The following C21orf91 variants were observed in gnomAD, a reference collection of about 807,000 sequenced individuals.
C21orf91 encodes protein EURL homolog.
Under a neutral mutation model 32.9 loss-of-function variants are expected in C21orf91, and 26 were observed. The observed-to-expected ratio is 0.79, with a 90% confidence interval of 0.58 to 1.10. The LOEUF is 1.10. Ranked by LOEUF, C21orf91 falls within the 50% of genes least tolerant of loss-of-function variation. The probability of loss-of-function intolerance (pLI) is 0.00; values close to 1 mark genes in which losing one functional copy is unlikely to be tolerated. For synonymous variants in C21orf91, 126 were observed against 120.4 expected (o/e 1.05, Z -0.31); for missense variants, 310 against 341.3 (o/e 0.91, Z 0.72).
chr21:17,797,445 T>C lies in C21orf91; in HGVS notation c.128-327A>G, dbSNP rs538768262. On this transcript the variant is annotated intron_variant, in intron 2 of 4. Transcript: ENST00000284881. ...TTACAGATTCTTGGCCTTTACATTA[T>C]AGTGCTTTCTTCATGAAACCTTCTG... Among the ~76,000 whole-genome samples, 203 of 152,170 alleles carry C rather than the reference T, an allele frequency of 1.3e-3. 3 individuals are homozygous for C. In the Middle Eastern group the frequency reaches 0.014, roughly 10 times the overall value.
In C21orf91 at chr21:17,797,053, A is replaced by G. The variant is rs923416599; in HGVS notation, c.193T>C (p.Tyr65His). The G allele has an allele frequency of 6.2e-7, 1 of 1,611,740 alleles. No individual in the cohort carries two copies. Among genetic ancestry groups the G allele is most frequent in the Admixed American group, 1.7e-5 (1 of 59,918 alleles). Residue 65 changes from tyrosine to histidine, a missense_variant, in exon 3 of 5, where the codon TAC becomes CAC. Physicochemically the swap from Tyr to His is moderately conservative, Grantham distance 83. Transcript: ENST00000284881. ...LRGHKDCFEK[Y>H]HLIANQGCPR... ...CAACCCTGGTTTGCAATTAAATGGT[A>G]TTTTTCAAAGCAGTCTTTATGGCCC...
intron 2 of C21orf91, among the ~76,000 whole-genome samples, chr21:17,817,502 T>G (rs1279711977): frequency 6.6e-6 from 1 of 151,770 alleles, no homozygotes; most frequent in Non-Finnish European, 1.5e-5. Context: ...AATATTAAGG[T>G]TTTTTTTAGT....
intron 4 of C21orf91, 25 bp from the exon 5 acceptor site, chr21:17,793,606 T>G: frequency 3.3e-6 from 5 of 1,515,486 alleles, no homozygotes; most frequent in Non-Finnish European, 4.6e-6. Context: ...AAAACTTTCA[T>G]TTTTAGTATG....
rs2062491770 is a variant in C21orf91, at chr21:17,793,336, A to G, written c.*79T>C. 12 of 1,162,320 alleles carry G rather than the reference A, an allele frequency of 1.0e-5. No homozygotes were observed. The highest frequency in any genetic ancestry group is 5.6e-5 in the Admixed American group (2 of 35,588). The allele number at this position is 1,162,320 out of a possible 1,614,324, so 72.0% of individuals were successfully genotyped here. A position where few individuals can be genotyped will look rare whatever the true frequency, so the allele number is the denominator to read the frequency against. ...AATGACCATAAAAAAACGGACCACA[A>G]CTTTCTTCAAACTTCTTCAAAGTTT... On this transcript the variant is annotated 3_prime_UTR_variant, in exon 5 of 5. Transcript: ENST00000284881.
chr21:17,797,923 A>G (rs2062532171), intron 2 of C21orf91, among the ~76,000 whole-genome samples: 1 of 152,016 alleles, frequency 6.6e-6, no homozygotes, highest in Non-Finnish European at 1.5e-5. Flanking sequence ...TAAAAATATA[A>G]AAATTATAAA....
chr21:17,818,142 C>A (rs190209497), intron 2 of C21orf91, 50 bp downstream of exon 2: 1 of 1,437,150 alleles, frequency 7.0e-7, no homozygotes, highest in Non-Finnish European at 9.7e-7. Context: ...CAGTACAAAG[C>A]AGCTGTGTTA....
chr21:17,799,867 A>G (rs1344781217), intron 2 of C21orf91, among the ~76,000 whole-genome samples: 1 of 152,178 alleles, frequency 6.6e-6, no homozygotes, highest in East Asian at 1.9e-4. Context: ...TATATTTTAA[A>G]ACACCAAAAA....
rs1438443288 is a variant in C21orf91, at chr21:17,789,255, ACACACACACACACAC to A, written c.*4145_*4159del. On this transcript the variant is annotated 3_prime_UTR_variant, in exon 5 of 5. Coordinates refer to ENST00000284881, the MANE Select transcript of C21orf91 (RefSeq NM_001100420.2). Reference sequence around the variant, plus strand: ...ACGCTACTGTTTTAAAGCAAGGTTCACACACACACACACACACACACACACACACACAAAATGGAA... The same window carrying A: ...ACGCTACTGTTTTAAAGCAAGGTTCAACACACACACACACACAAAATGGAA... The A allele has an allele frequency of 5.3e-4, 80 of 149,708 alleles. No individual in the cohort carries two copies. Among genetic ancestry groups the A allele is most frequent in the African/African-American group, 1.6e-3 (66 of 40,820 alleles). The allele number at this position is 149,708 out of a possible 1,614,324, so 9.3% of individuals were successfully genotyped here.
At chr21:17,797,578 T>C (rs935727050) in intron 2 of C21orf91, among the ~76,000 whole-genome samples, 5 of 150,332 alleles carry the variant, frequency 3.3e-5, no homozygotes, top group Non-Finnish European at 7.4e-5. Flanking sequence ...AAATTATGTT[T>C]ATTGAAAAAA....
At chr21:17,804,912 T>C (rs762265571) in intron 2 of C21orf91, among the ~76,000 whole-genome samples, 1 of 152,218 alleles carries the variant, frequency 6.6e-6, no homozygotes, top group Non-Finnish European at 1.5e-5. Context: ...TGAATTCTAC[T>C]TTTTCATTCT....
intron 2 of C21orf91, among the ~76,000 whole-genome samples, chr21:17,797,612 C>A (rs1388087005): frequency 6.8e-6 from 1 of 147,730 alleles, no homozygotes. Flanking sequence ...CAGAAAAATG[C>A]AAATAAAAGT....
chr21:17,795,378 CACA>C, intron 3 of C21orf91, 108 bp from the exon 4 acceptor site: 1 of 749,720 alleles, frequency 1.3e-6, no homozygotes, highest in Non-Finnish European at 2.3e-6. Context: ...TAACTGCCAA[CACA>C]ACATTCAGCA....
In C21orf91 at chr21:17,792,315, C is replaced by T. The variant is rs933014902; in HGVS notation, c.*1100G>A. The T allele has an allele frequency of 6.6e-6, 1 of 151,924 alleles. No individual in the cohort carries two copies. Among genetic ancestry groups the T allele is most frequent in the Non-Finnish European group, 1.5e-5 (1 of 67,960 alleles). The allele number at this position is 151,924 out of a possible 1,614,324, so 9.4% of individuals were successfully genotyped here. ...TTTTTTAATTAGGAGTTTTGCTTTT[C>T]TTCTGTAGAACAATCCTATATTTCT... On this transcript the variant is annotated 3_prime_UTR_variant, in exon 5 of 5. Transcript: ENST00000284881.
Position 17,790,224 on chromosome 21 carries a change from T to C in C21orf91, c.*3191A>G, listed in dbSNP as rs984769158. The C allele has an allele frequency of 6.6e-5, 10 of 152,008 alleles. No individual in the cohort carries two copies. Among genetic ancestry groups the C allele is most frequent in the Non-Finnish European group, 1.3e-4 (9 of 67,930 alleles). The allele number at this position is 152,008 out of a possible 1,614,324, so 9.4% of individuals were successfully genotyped here. A position where few individuals can be genotyped will look rare whatever the true frequency, so the allele number is the denominator to read the frequency against. On this transcript the variant is annotated 3_prime_UTR_variant, in exon 5 of 5. Transcript: ENST00000284881. ...CTTTAGAGCATTTACATTTTATAAT[T>C]TAATAATGAAAGCAGATTCTTCCAA...
intron 2 of C21orf91, among the ~76,000 whole-genome samples, chr21:17,809,875 T>A (rs2062621016): frequency 6.6e-6 from 1 of 152,182 alleles, no homozygotes. Flanking sequence ...GATTTATGGG[T>A]ACACACAAAT....
At chr21:17,808,327 T>G (rs1258984227) in intron 2 of C21orf91, among the ~76,000 whole-genome samples, 1 of 152,194 alleles carries the variant, frequency 6.6e-6, no homozygotes, top group East Asian at 1.9e-4. Context: ...AGTTGAGGCT[T>G]GGGAGCCTCT....
intron 4 of C21orf91, 62 bp from the exon 5 acceptor site, chr21:17,793,643 T>C: frequency 9.0e-7 from 1 of 1,114,508 alleles, no homozygotes; most frequent in Non-Finnish European, 1.3e-6. Flanking sequence ...TGATTTATAT[T>C]TCAAGAACTC....
rs866847371 is a variant in C21orf91 at position 17,796,749 on chromosome 21, T to TC, written c.496dup (p.Glu166GlyfsTer20). 3 of 1,614,034 alleles carry TC rather than the reference T, an allele frequency of 1.9e-6. No homozygotes were observed. The highest frequency in any genetic ancestry group is 2.5e-6 in the Non-Finnish European group (3 of 1,180,004). Reference sequence around the variant, plus strand: ...CATAGAAAGTCCAAAGTCTGTATTTTCCCTCTGCTCCAAAATTCTTTGTGT... The same window carrying TC: ...CATAGAAAGTCCAAAGTCTGTATTTTCCCCTCTGCTCCAAAATTCTTTGTGT... On this transcript the variant is annotated frameshift_variant, in exon 3 of 5. Transcript: ENST00000284881. LOFTEE classifies it high-confidence loss of function.
chr21:17,813,957 T>C (rs1048842855), intron 2 of C21orf91: 25 of 151,896 alleles, frequency 1.6e-4, no homozygotes, highest in African/African-American at 6.1e-4. Flanking sequence ...ACCCTTATTT[T>C]AATAAAATGA....
Sources: gnomAD v4.1 joint callset for allele counts (sites outside exome capture counted in the v4.1 genomes callset) on GRCh38, gnomAD v4.1.1 for gene constraint, MANE v1.5 for transcripts, NCBI Gene and HGNC (gene_info 2026-07-23, HGNC 2026-07-21) for gene names.